ANO1: variants seen among roughly 807,000 people sequenced by gnomAD.
The protein encoded by ANO1 is anoctamin-1.
A neutral mutation model predicts 124.0 loss-of-function variants in ANO1; 59 were observed. That is an observed-to-expected ratio of 0.48 (90% CI 0.39 to 0.59). The LOEUF (loss-of-function observed/expected upper bound fraction) is 0.59, where lower values mean the gene tolerates loss of function less well. Ranked by LOEUF, ANO1 falls within the 20% of genes least tolerant of loss-of-function variation. The pLI, the probability that ANO1 is intolerant of heterozygous loss-of-function variation, is 0.00. For synonymous variants in ANO1, 529 were observed against 532.0 expected, an observed-to-expected ratio of 0.99 and a Z score of 0.08; for missense variants, 1,059 against 1,328.0, an observed-to-expected ratio of 0.80 and a Z score of 3.15.
At position 70,174,382 on chromosome 11, in the gene ANO1, C is replaced by T. The variant is rs532410673; in HGVS notation, c.2350+3343C>T. Among the ~76,000 whole-genome samples the T allele has an allele frequency of 2.1e-3, 323 of 151,882 alleles. 1 individual carries two copies. Among genetic ancestry groups the T allele is most frequent in the South Asian group, 5.4e-3 (26 of 4,806 alleles). ...CTGCACTCCAGCCTGGGCAACACAG[C>T]GAGACTCCACCTAAAAAATAAATTT... On this transcript the variant is annotated intron_variant, in intron 22 of 25. Transcript: ENST00000355303.
intron 1 of ANO1, among the ~76,000 whole-genome samples, chr11:69,995,626 G>A (rs1353161603): frequency 6.6e-6 from 1 of 152,096 alleles, no homozygotes; most frequent in Non-Finnish European, 1.5e-5. Flanking sequence ...CCCTCAACTG[G>A]AACTTTCTTC....
At chr11:69,974,039 C>A in the ANO1 span, among the ~76,000 whole-genome samples, 2 of 152,064 alleles carry the variant, frequency 1.3e-5, no homozygotes, top group African/African-American at 4.8e-5. Context: ...ATATTTAAGG[C>A]CAGGCACAGT....
At chr11:70,169,052 G>A (rs2048358538) in intron 21 of ANO1, among the ~76,000 whole-genome samples, 1 of 152,224 alleles carries the variant, frequency 6.6e-6, no homozygotes, top group African/African-American at 2.4e-5. Flanking sequence ...GGCCAGGAGG[G>A]ACGGGGTCTG....
chr11:70,092,372 C>T (rs2135262761), intron 2 of ANO1, among the ~76,000 whole-genome samples: 1 of 152,346 alleles, frequency 6.6e-6, no homozygotes, highest in Non-Finnish European at 1.5e-5. Context: ...AGCTGAGATG[C>T]TGCACTGGGC....
intron 1 of ANO1, among the ~76,000 whole-genome samples, chr11:70,042,164 A>C (rs1216729823): frequency 6.6e-6 from 1 of 152,176 alleles, no homozygotes; most frequent in Non-Finnish European, 1.5e-5. Context: ...GGTCAGACTT[A>C]ATCTGTCCCT....
intron 22 of ANO1, among the ~76,000 whole-genome samples, chr11:70,176,369 A>G (rs913037760): frequency 6.6e-6 from 1 of 151,896 alleles, no homozygotes; most frequent in African/African-American, 2.4e-5. Context: ...CTGGTCTCCA[A>G]CTTCTGACCT....
intron 1 of ANO1, among the ~76,000 whole-genome samples, chr11:70,019,035 G>A (rs1415312213): frequency 4.6e-5 from 7 of 152,252 alleles, no homozygotes; most frequent in South Asian, 4.1e-4. Context: ...GCCATGTGGC[G>A]GAGGGGGGCC....
chr11:70,125,344 A>G (rs1268755853), intron 9 of ANO1, among the ~76,000 whole-genome samples: 1 of 149,930 alleles, frequency 6.7e-6, no homozygotes, highest in Admixed American at 6.7e-5. Flanking sequence ...CTCCATCTCA[A>G]AATAAATAAA....
chr11:70,163,417 A>C, intron 19 of ANO1, 77 bp downstream of exon 19: 1 of 1,514,190 alleles, frequency 6.6e-7, no homozygotes. Context: ...ACTTGGGAGA[A>C]GCAGCTGCAG....
chr11:70,082,173 G>C lies in ANO1; in HGVS notation c.108+3459G>C, dbSNP rs199522898. On this transcript the variant is annotated intron_variant, in intron 1 of 25. Transcript: ENST00000355303. ...GATCTGATGGCCACAGCCAGCCACAGTATACAAGACCCAGCCTCTGTTGTT... is the reference window on the plus strand; with the variant it reads ...GATCTGATGGCCACAGCCAGCCACACTATACAAGACCCAGCCTCTGTTGTT... 2.0e-5 allele frequency among the ~76,000 whole-genome samples: 3 copies of C among 152,338 alleles called. 1 individual carries two copies. The East Asian group carries it at 5.8e-4, about 29-fold the overall frequency.
intron 1 of ANO1, among the ~76,000 whole-genome samples, chr11:70,033,982 CA>C (rs1341876697): frequency 2.0e-5 from 3 of 151,938 alleles, no homozygotes; most frequent in African/African-American, 7.2e-5. Context: ...GGGAGTTTGC[CA>C]ACCCCTGCTC....
chr11:70,167,335 G>A lies in ANO1; in HGVS notation c.2145G>A (p.Val715=). The A allele has an allele frequency of 1.9e-6, 3 of 1,613,810 alleles. No homozygotes were observed. Among genetic ancestry groups the A allele is most frequent in the Non-Finnish European group, 2.5e-6 (3 of 1,179,824 alleles). The change falls in exon 21 of 26, where the codon GTG becomes GTA. Residue 715 remains valine (V), a synonymous_variant. Coordinates refer to ENST00000355303, the MANE Select transcript of ANO1 (RefSeq NM_018043.7). The part of the protein sequence containing the change: ...ECVKRKQRYE[V]DYNLEPFAGL... ...TGAAGAGGAAACAGCGGTACGAGGT[G>A]GATTACAACCTGGAGCCCTTCGCGG...
intron 23 of ANO1, 98 bp downstream of exon 23, chr11:70,180,154 C>T (rs960147396): frequency 1.0e-5 from 12 of 1,151,820 alleles, no homozygotes; most frequent in African/African-American, 1.5e-5. Context: ...GGTCTTCTGC[C>T]TCTAGCCATG....
chr11:70,185,520 C>A, intron 24 of ANO1, 70 bp from the exon 25 acceptor site: 1 of 1,440,300 alleles, frequency 6.9e-7, no homozygotes, highest in Non-Finnish European at 9.6e-7. Flanking sequence ...GTCCCTCGAG[C>A]TGCCTGACTC....
At chr11:70,019,062 C>A (rs1188819324) in intron 1 of ANO1, among the ~76,000 whole-genome samples, 6 of 152,230 alleles carry the variant, frequency 3.9e-5, no homozygotes, top group African/African-American at 1.4e-4. Flanking sequence ...CACCTGGGTG[C>A]CAGGGAGGGC....
chr11:70,022,497 G>A (rs1856826101), intron 1 of ANO1, among the ~76,000 whole-genome samples: 1 of 152,036 alleles, frequency 6.6e-6, no homozygotes. Context: ...TACTTGGGAG[G>A]CTGAGGCAGA....
intron 1 of ANO1, among the ~76,000 whole-genome samples, chr11:70,083,231 G>GTATATATATC: frequency 6.6e-6 from 1 of 152,162 alleles, no homozygotes; most frequent in Admixed American, 6.5e-5. Flanking sequence ...GCTAGGCCCT[G>GTATATATATC]TTGGAAACTC....
At chr11:70,179,755 G>A (rs753920776) in intron 22 of ANO1, among the ~76,000 whole-genome samples, 5 of 152,186 alleles carry the variant, frequency 3.3e-5, no homozygotes, top group Admixed American at 6.5e-5. Flanking sequence ...ACCACTGAGG[G>A]AGCAGCTGTC....
intron 11 of ANO1, among the ~76,000 whole-genome samples, chr11:70,135,317 C>T (rs2046916472): frequency 1.3e-5 from 2 of 152,238 alleles, no homozygotes; most frequent in African/African-American, 4.8e-5. Flanking sequence ...AAGGACTCCA[C>T]ACTTTGTTTT....
Sources: allele counts gnomAD v4.1 joint callset (sites outside exome capture counted in the v4.1 genomes callset), GRCh38; gene constraint gnomAD v4.1.1; transcripts MANE v1.5; gene names NCBI Gene and HGNC (gene_info 2026-07-23, HGNC 2026-07-21).